Variants in MTFR1 observed in about 807,000 individuals in gnomAD.
MTFR1 encodes chondrocyte protein with a poly-proline region.
A neutral mutation model predicts 38.8 loss-of-function variants in MTFR1; 28 were observed. The observed-to-expected ratio is 0.72, with a 90% CI of 0.53 to 0.99. The LOEUF is 0.99. MTFR1 is among the 50% of genes least tolerant of loss of function. The pLI is 0.00. For synonymous variants in MTFR1, 145 were observed against 137.0 expected (o/e 1.06, Z -0.41); for missense variants, 358 against 395.5 (o/e 0.91, Z 0.81).
chr8:65,691,852 A>G (rs1805291510), intron 3 of MTFR1, among the ~76,000 whole-genome samples: 1 of 152,176 alleles, frequency 6.6e-6, no homozygotes, highest in African/African-American at 2.4e-5. Context: ...TATTAAGTTG[A>G]TTAGATAATT....
At chr8:65,675,219 GGAGGCACAGGTTGCAGT>G (rs1804678552) in intron 2 of MTFR1, among the ~76,000 whole-genome samples, 1 of 152,118 alleles carries the variant, frequency 6.6e-6, no homozygotes, top group Admixed American at 6.6e-5. Flanking sequence ...TTTGAACTCG[GGAGGCACAGGTTGCAGT>G]GAGCCGAGAT....
chr8:65,681,512 A>G (rs1804886940), intron 2 of MTFR1, among the ~76,000 whole-genome samples: 1 of 152,132 alleles, frequency 6.6e-6, no homozygotes, highest in East Asian at 1.9e-4. Context: ...ATAGCATACT[A>G]CCTTTCTTTA....
At chr8:65,769,125 G>A (rs2128919363) in intron 3 of MTFR1, among the ~76,000 whole-genome samples, 1 of 151,902 alleles carries the variant, frequency 6.6e-6, no homozygotes, top group East Asian at 1.9e-4. Flanking sequence ...GCAGGCGCCT[G>A]TAATCCCAGC....
chr8:65,694,605 G>A (rs905122814), intron 4 of MTFR1, among the ~76,000 whole-genome samples: 5 of 152,112 alleles, frequency 3.3e-5, no homozygotes, highest in Admixed American at 6.6e-5. Context: ...GTCTCATTGG[G>A]GCAAAGGGAT....
intron 4 of MTFR1, among the ~76,000 whole-genome samples, chr8:65,697,981 A>C (rs1310659280): frequency 6.6e-6 from 1 of 151,956 alleles, no homozygotes; most frequent in African/African-American, 2.4e-5. Flanking sequence ...GGGGTCTTTC[A>C]TGGAGCAAAA....
At chr8:65,734,842 G>A (rs139866507) in intron 3 of MTFR1, 56 of 1,612,138 alleles carry the variant, frequency 3.5e-5, no homozygotes, top group East Asian at 2.7e-4. Context: ...CATCCGCAGC[G>A]TGGACTGCGT....
At chr8:65,681,067 C>T (rs890225274) in intron 2 of MTFR1, among the ~76,000 whole-genome samples, 15 of 151,990 alleles carry the variant, frequency 9.9e-5, no homozygotes, top group South Asian at 4.2e-4. Context: ...CGCCCGCCAC[C>T]GTGCCCGGCT....
In MTFR1 at chr8:65,691,710, C is replaced by T. The variant is rs141554730; in HGVS notation, c.166-1934C>T. On this transcript the variant is annotated intron_variant, in intron 3 of 7. Coordinates refer to ENST00000262146, the MANE Select transcript of MTFR1 (RefSeq NM_014637.4). ...TGTCGCCCAGGCTGGATTGCAGTAG[C>T]GCAATCTCAGCTCACTGCAACCTCT... Among the ~76,000 whole-genome samples the T allele has an allele frequency of 1.9e-3, 292 of 151,986 alleles. 1 individual carries two copies. The highest frequency in any genetic ancestry group is 3.0e-3 in the Non-Finnish European group (203 of 67,962).
intron 3 of MTFR1, among the ~76,000 whole-genome samples, chr8:65,749,516 T>C (rs1235994409): frequency 6.6e-6 from 1 of 152,206 alleles, no homozygotes; most frequent in Non-Finnish European, 1.5e-5. Context: ...AGAACCAAAA[T>C]AGTAAAAACT....
At chr8:65,733,648 G>T (rs1806998649) in intron 3 of MTFR1, among the ~76,000 whole-genome samples, 1 of 152,060 alleles carries the variant, frequency 6.6e-6, no homozygotes, top group Non-Finnish European at 1.5e-5. Context: ...TGGGTGGTTG[G>T]GAGTATACAT....
chr8:65,769,460 G>A (rs755399308), intron 3 of MTFR1, among the ~76,000 whole-genome samples: 6 of 152,268 alleles, frequency 3.9e-5, no homozygotes, highest in South Asian at 4.2e-4. Context: ...TTCTTGGCTA[G>A]AAGAATTCGT....
chr8:65,730,404 T>C (rs1806831842), intron 3 of MTFR1, among the ~76,000 whole-genome samples: 1 of 151,484 alleles, frequency 6.6e-6, no homozygotes, highest in Non-Finnish European at 1.5e-5. Flanking sequence ...GGTCTCGAAC[T>C]CCCAACCTCA....
Position 65,730,171 on chromosome 8 carries a change from C to CTTCTTTTTTTTTTTTTT in MTFR1, c.*48+10692_*48+10693insCTTTTTTTTTTTTTTTT, listed in dbSNP as rs1295965698. On this transcript the variant is annotated intron_variant, in intron 3 of 3. Transcript: ENST00000521247. ...TGTGAGGGATCCAGGTTGCGCACTT[C>CTTCTTTTTTTTTTTTTT]TTTTTTTTTTTTTTTTTTTTTTTTT... Among the ~76,000 whole-genome samples, 97 of 86,448 alleles carry CTTCTTTTTTTTTTTTTT rather than the reference C, an allele frequency of 1.1e-3. 10 individuals are homozygous for CTTCTTTTTTTTTTTTTT. The highest frequency in any genetic ancestry group is 3.9e-3 in the African/African-American group (82 of 20,938). The allele number at this position is 86,448 out of a possible 152,430, so 56.7% of individuals were successfully genotyped here. A position where few individuals can be genotyped will look rare whatever the true frequency, so the allele number is the denominator to read the frequency against.
At chr8:65,708,459 C>T (rs1805850497) in intron 7 of MTFR1, 3 of 296,254 alleles carry the variant, frequency 1.0e-5, no homozygotes, top group South Asian at 9.6e-5. Context: ...CTGTGAAAGT[C>T]TTCTGAAGAG....
chr8:65,723,759 T>A, intron 3 of MTFR1: 1 of 535,532 alleles, frequency 1.9e-6, no homozygotes, highest in East Asian at 3.7e-5. Context: ...CGCAATTAGT[T>A]CTTTTTAAAA....
downstream of MTFR1, among the ~76,000 whole-genome samples, chr8:65,713,376 G>C (rs370404095): frequency 3.0e-4 from 45 of 151,314 alleles, no homozygotes; most frequent in East Asian, 6.0e-4. Context: ...GGAAGGTGGA[G>C]GTTGCAGTGA....
intron 3 of MTFR1, among the ~76,000 whole-genome samples, chr8:65,735,979 G>A (rs1039039066): frequency 6.6e-6 from 1 of 152,030 alleles, no homozygotes; most frequent in Admixed American, 6.6e-5. Flanking sequence ...TATTCTTGGG[G>A]GATATGTTCC....
Position 65,746,366 on chromosome 8 carries a change from T to A in MTFR1, c.*49-24581T>A, listed in dbSNP as rs1166214576. ...TTTCTAGAACCTAGGCATCTGACAC[T>A]GATACCACACCATGCTTAAATTATT... On this transcript the variant is annotated intron_variant, in intron 3 of 3. Transcript: ENST00000521247. Among the ~76,000 whole-genome samples the A allele has an allele frequency of 2.0e-5, 3 of 152,306 alleles. No homozygotes were observed. The East Asian group carries it at 5.8e-4, about 29-fold the overall frequency.
At chr8:65,688,229 A>T (rs1354329655) in intron 3 of MTFR1, among the ~76,000 whole-genome samples, 3 of 148,966 alleles carry the variant, frequency 2.0e-5, no homozygotes, top group Non-Finnish European at 4.5e-5. Flanking sequence ...GTGAAACCTC[A>T]ACTCTATTAA....
Sources: gnomAD v4.1 joint callset for allele counts (sites outside exome capture counted in the v4.1 genomes callset) on GRCh38, gnomAD v4.1.1 for gene constraint, MANE v1.5 for transcripts, NCBI Gene and HGNC (gene_info 2026-07-23, HGNC 2026-07-21) for gene names.